NIPA2: variants seen among roughly 807,000 people sequenced by gnomAD.
NIPA2 encodes NIPA magnesium transporter 2, also known as magnesium transporter NIPA2.
In NIPA2, 11 loss-of-function variants were observed where a neutral mutation model predicts 29.7. That is an observed-to-expected ratio of 0.37 (90% CI 0.23 to 0.61). The LOEUF (loss-of-function observed/expected upper bound fraction) is 0.61. Among genes scored for constraint, NIPA2 ranks in the 20% least tolerant of loss-of-function variants. NIPA2 has a pLI of 0.66. For synonymous variants in NIPA2, 183 were observed against 161.9 expected, an observed-to-expected ratio of 1.13 and a Z score of -0.99; for missense variants, 426 against 437.9, an observed-to-expected ratio of 0.97 and a Z score of 0.24.
At chr15:22,846,737 G>A (rs1185987840) in intron 3 of NIPA2, among the ~76,000 whole-genome samples, 1 of 151,440 alleles carries the variant, frequency 6.6e-6, no homozygotes, top group Admixed American at 6.6e-5. Flanking sequence ...GATCACTTGA[G>A]CCTGGGAAGT....
rs751891581 is a variant in NIPA2 at position 22,866,776 on chromosome 15, T to G, written c.1012T>G (p.Leu338Val). The change falls in exon 8 of 8, where the codon TTA (leucine) becomes GTA (valine). Residue 338 changes from leucine to valine, a missense_variant. This residue lies in a region of NIPA2 where 357 missense variants were observed against 339.8 expected (regional missense o/e 1.05). Coordinates refer to ENST00000337451, the MANE Select transcript of NIPA2 (RefSeq NM_030922.7). Reference sequence around the variant, plus strand: ...AGTTCTTAATAATAATGAAGAAAGCTTAACCTGTGGAATCGAACAACACAC... The same window carrying G: ...AGTTCTTAATAATAATGAAGAAAGCGTAACCTGTGGAATCGAACAACACAC... ...YEVLNNNEESLTCGIEQHTGE... is the reference protein window; with the variant it reads ...YEVLNNNEESVTCGIEQHTGE... The G allele has an allele frequency of 6.2e-7, 1 of 1,613,492 alleles. No homozygotes were observed. Among genetic ancestry groups the G allele is most frequent in the Non-Finnish European group, 8.5e-7 (1 of 1,179,592 alleles).
intron 3 of NIPA2, among the ~76,000 whole-genome samples, chr15:22,848,723 G>C (rs1212588810): frequency 6.7e-6 from 1 of 150,224 alleles, no homozygotes; most frequent in African/African-American, 2.5e-5. Flanking sequence ...CTACTCAGAG[G>C]CTGAGGCAGG....
chr15:22,853,153 A>G (rs2057899753), intron 4 of NIPA2, 59 bp from the exon 5 acceptor site: 1 of 1,132,244 alleles, frequency 8.8e-7, no homozygotes, highest in Admixed American at 1.9e-5. Flanking sequence ...ACTAATAGTT[A>G]TAATTTATAC....
At chr15:22,846,394 G>C (rs1269738180) in intron 3 of NIPA2, among the ~76,000 whole-genome samples, 2 of 152,108 alleles carry the variant, frequency 1.3e-5, no homozygotes, top group African/African-American at 4.8e-5. Flanking sequence ...ATGTAATACT[G>C]GCTCTTAATG....
chr15:22,854,921 C>T (rs558799629), intron 5 of NIPA2, among the ~76,000 whole-genome samples: 32 of 152,184 alleles, frequency 2.1e-4, no homozygotes, highest in Admixed American at 2.6e-4. Flanking sequence ...TTTGATAGGC[C>T]TGTGCATTTT....
intron 3 of NIPA2, among the ~76,000 whole-genome samples, chr15:22,847,806 T>G (rs965096833): frequency 2.0e-5 from 3 of 151,446 alleles, no homozygotes; most frequent in African/African-American, 7.3e-5. Flanking sequence ...ATCTTATTTT[T>G]ATTTTTTTGA....
intron 6 of NIPA2, among the ~76,000 whole-genome samples, chr15:22,859,150 G>A (rs955129186): frequency 6.6e-6 from 1 of 151,950 alleles, no homozygotes; most frequent in Non-Finnish European, 1.5e-5. Flanking sequence ...CTCCACCCTG[G>A]GCTATAGAGC....
chr15:22,853,986 C>T (rs1372373065), intron 5 of NIPA2, among the ~76,000 whole-genome samples: 2 of 151,796 alleles, frequency 1.3e-5, no homozygotes, highest in East Asian at 3.9e-4. Context: ...CACCACTATG[C>T]CCAGCTAATT....
At chr15:22,839,816 T>C (rs1226476425) in intron 2 of NIPA2, 26 bp downstream of exon 2, 1 of 152,218 alleles carries the variant, frequency 6.6e-6, no homozygotes, top group African/African-American at 2.4e-5. Flanking sequence ...AATTTATAAC[T>C]AATATTGTTG....
chr15:22,866,058 G>T (rs1409433183), intron 7 of NIPA2, among the ~76,000 whole-genome samples, 155 bp from the exon 8 acceptor site: 1 of 152,082 alleles, frequency 6.6e-6, no homozygotes, highest in Non-Finnish European at 1.5e-5. Flanking sequence ...GTAAATTTTT[G>T]TGGTTGCATT....
In NIPA2 at chr15:22,866,655, T is replaced by C; in HGVS notation, c.891T>C (p.His297=). ...TCATTGTGGGGATATTCTTGTTGCA[T>C]GCCTTTAAAGACGTCAGCTTTAGTC... is the stretch of plus-strand genomic sequence containing the variant. The part of the protein sequence containing the change: ...FTIIVGIFLL[H]AFKDVSFSLA... The change falls in exon 8 of 8, where the codon CAT becomes CAC. Residue 297 remains histidine, a synonymous_variant. Transcript: ENST00000337451. 4 of 1,614,146 alleles carry C rather than the reference T, an allele frequency of 2.5e-6. No homozygotes were observed. The highest frequency in any genetic ancestry group is 1.1e-5 in the South Asian group (1 of 91,086).
chr15:22,850,658 C>T (rs1424206638), intron 3 of NIPA2, among the ~76,000 whole-genome samples: 1 of 152,100 alleles, frequency 6.6e-6, no homozygotes, highest in Non-Finnish European at 1.5e-5. Context: ...ACATAATATC[C>T]AGTAAATACT....
intron 5 of NIPA2, among the ~76,000 whole-genome samples, chr15:22,854,562 T>C (rs1184338495): frequency 2.0e-5 from 3 of 150,254 alleles, no homozygotes; most frequent in Non-Finnish European, 3.0e-5. Context: ...CTGGCCAACA[T>C]GGTGAAACCC....
At chr15:22,864,608 C>T (rs1419367280) in intron 7 of NIPA2, among the ~76,000 whole-genome samples, 1 of 152,180 alleles carries the variant, frequency 6.6e-6, no homozygotes, top group Non-Finnish European at 1.5e-5. Context: ...AACTCTGTGG[C>T]ACGGGAGGGA....
At chr15:22,853,095 G>T in intron 4 of NIPA2, 117 bp from the exon 5 acceptor site, 1 of 669,530 alleles carries the variant, frequency 1.5e-6, no homozygotes, top group Non-Finnish European at 2.6e-6. Context: ...GAGTCATGCA[G>T]AAACCTTTAT....
intron 7 of NIPA2, among the ~76,000 whole-genome samples, chr15:22,865,583 G>A (rs536184559): frequency 1.3e-5 from 2 of 152,248 alleles, no homozygotes; most frequent in East Asian, 1.9e-4. Context: ...TTCCTCATCC[G>A]AAAATGCAGG....
intron 2 of NIPA2, among the ~76,000 whole-genome samples, chr15:22,842,934 C>T (rs943510003): frequency 1.4e-4 from 21 of 150,662 alleles, no homozygotes; most frequent in Non-Finnish European, 5.9e-5. Flanking sequence ...ACCCAGGAGG[C>T]GGAGCTTGCA....
In NIPA2 at chr15:22,867,101, T is replaced by G. The variant is rs1889438983; in HGVS notation, c.*254T>G. 2.1e-6 allele frequency: 1 copy of G among 485,758 alleles called. No individual in the cohort carries two copies. Among genetic ancestry groups the G allele is most frequent in the Non-Finnish European group, 3.6e-6 (1 of 278,866 alleles). 30.1% of individuals were successfully genotyped at this position (485,758 alleles called of 1,614,324 possible). A position where few individuals can be genotyped will look rare whatever the true frequency, so the allele number is the denominator to read the frequency against. The stretch of plus-strand genomic sequence containing the variant: ...AGAAGTATTTTACATTTTCATCCCT[T>G]CTCCAAAAGCCGAATGCACTAATGA... On this transcript the variant is annotated 3_prime_UTR_variant, in exon 8 of 8. Transcript: ENST00000337451.
In NIPA2 at chr15:22,867,857, T is replaced by TGAA. The variant is rs1447672658; in HGVS notation, c.*1015_*1017dup. 6.6e-6 allele frequency: 1 copy of TGAA among 152,220 alleles called. No homozygotes were observed. The highest frequency in any genetic ancestry group is 1.9e-4 in the East Asian group (1 of 5,198). 9.4% of individuals were successfully genotyped at this position (152,220 alleles called of 1,614,324 possible). ...TTGGTTTCTAGAAAATGTTTGTTTA[T>TGAA]GAAGAAGTCGATGGAAAACTGCAAA... On this transcript the variant is annotated 3_prime_UTR_variant, in exon 8 of 8. Transcript: ENST00000337451.
Sources: gnomAD v4.1 joint callset for allele counts (sites outside exome capture counted in the v4.1 genomes callset) on GRCh38, gnomAD v4.1.1 for gene constraint, gnomAD v4.1.1 regional missense constraint, MANE v1.5 for transcripts, NCBI Gene and HGNC (gene_info 2026-07-23, HGNC 2026-07-21) for gene names.